MACROD2: variants seen among roughly 807,000 people sequenced by gnomAD.
MACROD2 encodes mono-ADP ribosylhydrolase 2.
MACROD2 carries 36 observed loss-of-function variants against 70.4 expected under a neutral mutation model. The observed-to-expected ratio is 0.51, with a 90% CI of 0.39 to 0.68. MACROD2 has a LOEUF of 0.68. MACROD2 is among the 30% of genes least tolerant of loss of function. The pLI, the probability that MACROD2 is intolerant of heterozygous loss-of-function variation, is 0.00. For missense variants in MACROD2, 496 were observed against 538.4 expected (o/e 0.92, Z 0.78); for synonymous variants, 172 against 178.8 (o/e 0.96, Z 0.30).
chr20:14,981,956 A>T (rs1358499134), intron 5 of MACROD2, among the ~76,000 whole-genome samples: 1 of 152,150 alleles, frequency 6.6e-6, no homozygotes, highest in Non-Finnish European at 1.5e-5. Flanking sequence ...GAAGACAGGG[A>T]AATGTGGGAA....
intron 5 of MACROD2, among the ~76,000 whole-genome samples, chr20:15,105,343 C>T (rs1407883254): frequency 1.3e-5 from 2 of 152,100 alleles, no homozygotes; most frequent in African/African-American, 4.8e-5. Context: ...ACAAAATCTC[C>T]TTGCCTATCA....
chr20:14,097,082 C>T (rs1271193072), intron 3 of MACROD2, among the ~76,000 whole-genome samples: 2 of 152,166 alleles, frequency 1.3e-5, no homozygotes, highest in African/African-American at 4.8e-5. Flanking sequence ...CCTCTATTTC[C>T]CAAAGCACTA....
intron 5 of MACROD2, among the ~76,000 whole-genome samples, chr20:15,070,575 A>G (rs1410603549): frequency 6.6e-6 from 1 of 152,050 alleles, no homozygotes; most frequent in Non-Finnish European, 1.5e-5. Flanking sequence ...TGTCCTCCCC[A>G]TAGTTTCAGT....
intron 3 of MACROD2, among the ~76,000 whole-genome samples, chr20:14,360,008 G>T (rs202092452): frequency 3.3e-5 from 5 of 150,542 alleles, no homozygotes; most frequent in East Asian, 3.9e-4. Context: ...GACACAAAAA[G>T]ACAAATACCA....
intron 5 of MACROD2, among the ~76,000 whole-genome samples, chr20:14,839,652 G>T (rs2122267280): frequency 6.6e-6 from 1 of 152,164 alleles, no homozygotes; most frequent in African/African-American, 2.4e-5. Flanking sequence ...TGGAGGCATT[G>T]ACCATTTAAC....
chr20:14,625,570 C>A (rs529650636), intron 4 of MACROD2, among the ~76,000 whole-genome samples: 1 of 152,256 alleles, frequency 6.6e-6, no homozygotes, highest in East Asian at 1.9e-4. Flanking sequence ...GTGAAAAAGA[C>A]AGAGTCCATG....
At chr20:15,097,335 C>T (rs1464467880) in intron 5 of MACROD2, among the ~76,000 whole-genome samples, 1 of 152,094 alleles carries the variant, frequency 6.6e-6, no homozygotes, top group Non-Finnish European at 1.5e-5. Flanking sequence ...AGTATCTTTG[C>T]ACAAAATGTA....
intron 3 of MACROD2, among the ~76,000 whole-genome samples, chr20:14,233,781 A>G (rs969132562): frequency 6.6e-6 from 1 of 151,994 alleles, no homozygotes; most frequent in African/African-American, 2.4e-5. Context: ...AATGCCTATT[A>G]CTAAGTGAAA....
intron 3 of MACROD2, among the ~76,000 whole-genome samples, chr20:14,119,550 A>G (rs746950152): frequency 6.6e-6 from 1 of 152,096 alleles, no homozygotes; most frequent in Non-Finnish European, 1.5e-5. Context: ...CTGGATTGAC[A>G]CTAAAAAAAA....
chr20:15,396,535 G>A (rs1404478027), intron 6 of MACROD2, among the ~76,000 whole-genome samples: 5 of 152,170 alleles, frequency 3.3e-5, no homozygotes, highest in African/African-American at 1.2e-4. Flanking sequence ...ATTAAATATT[G>A]CTTAGTATAA....
intron 8 of MACROD2, among the ~76,000 whole-genome samples, chr20:15,851,324 A>T (rs2064295862): frequency 6.6e-6 from 1 of 151,958 alleles, no homozygotes; most frequent in Non-Finnish European, 1.5e-5. Context: ...GCCATCATAA[A>T]GTACCACAGA....
At chr20:15,294,174 A>G (rs1420712231) in intron 6 of MACROD2, among the ~76,000 whole-genome samples, 1 of 151,946 alleles carries the variant, frequency 6.6e-6, no homozygotes, top group Non-Finnish European at 1.5e-5. Flanking sequence ...CTAGATTGCA[A>G]CTTCTCTTGA....
chr20:14,372,135 T>C (rs537230054), intron 3 of MACROD2, among the ~76,000 whole-genome samples: 9 of 152,328 alleles, frequency 5.9e-5, no homozygotes, highest in African/African-American at 1.7e-4. Flanking sequence ...CAGAAGCAGA[T>C]TCCAGTGAGT....
rs2073935275 is a variant in MACROD2 at position 14,904,498 on chromosome 20, A to G, written c.418+219539A>G. Among the ~76,000 whole-genome samples the G allele has an allele frequency of 2.0e-5, 3 of 152,290 alleles. 1 individual carries two copies. In the South Asian group the frequency reaches 6.2e-4, roughly 32 times the overall value. ...ATATATGCATTATGCATATATGTAC[A>G]TTAGTGTGTATACATGTCTGTGTAC... On this transcript the variant is annotated intron_variant, in intron 5 of 17. Coordinates refer to ENST00000684519, the MANE Select transcript of MACROD2 (RefSeq NM_001351661.2).
chr20:15,645,082 T>C lies in MACROD2; in HGVS notation c.645+145235T>C, dbSNP rs572869082. Among the ~76,000 whole-genome samples, 76 of 152,318 alleles carry C rather than the reference T, an allele frequency of 5.0e-4. 1 individual carries two copies. In the South Asian group the frequency reaches 0.015, roughly 29 times the overall value. ...AAACACCACCTTGCCTTTAATGTCT[T>C]CATCACCATGTTTAAAGCACATTCT... On this transcript the variant is annotated intron_variant, in intron 8 of 17. Coordinates refer to ENST00000684519, the MANE Select transcript of MACROD2 (RefSeq NM_001351661.2).
chr20:14,601,308 A>G (rs1982481054), intron 4 of MACROD2, among the ~76,000 whole-genome samples: 1 of 152,142 alleles, frequency 6.6e-6, no homozygotes, highest in African/African-American at 2.4e-5. Flanking sequence ...CATGCAACCT[A>G]GATCCCTCAC....
At chr20:15,394,723 A>G (rs531655013) in intron 6 of MACROD2, among the ~76,000 whole-genome samples, 1 of 152,358 alleles carries the variant, frequency 6.6e-6, no homozygotes, top group East Asian at 1.9e-4. Context: ...CCACCCTGGT[A>G]CTTTGTTGGG....
intron 3 of MACROD2, among the ~76,000 whole-genome samples, chr20:14,363,240 G>A (rs1348473990): frequency 6.6e-6 from 1 of 151,986 alleles, no homozygotes; most frequent in Non-Finnish European, 1.5e-5. Flanking sequence ...CAATTATCTT[G>A]TGCCAAACAC....
intron 5 of MACROD2, among the ~76,000 whole-genome samples, chr20:15,058,106 C>T (rs1457016414): frequency 1.3e-5 from 2 of 152,202 alleles, no homozygotes; most frequent in Non-Finnish European, 2.9e-5. Flanking sequence ...ACCGGCTGCT[C>T]GACGTAGGGG....
Sources: gnomAD v4.1 joint callset for allele counts (sites outside exome capture counted in the v4.1 genomes callset) on GRCh38, gnomAD v4.1.1 for gene constraint, MANE v1.5 for transcripts, NCBI Gene and HGNC (gene_info 2026-07-23, HGNC 2026-07-21) for gene names.